FBXL7: variants seen among roughly 807,000 people sequenced by gnomAD.
FBXL7 encodes the protein F-box and leucine rich repeat protein 7.
FBXL7 carries 12 observed loss-of-function variants against 38.3 expected under a neutral mutation model. That is an observed-to-expected ratio of 0.31 (90% CI 0.20 to 0.51). The LOEUF is 0.51. Among genes scored for constraint, FBXL7 ranks in the 20% least tolerant of loss-of-function variants. FBXL7 has a pLI of 0.98. For missense variants in FBXL7, 567 were observed against 676.4 expected (o/e 0.84, Z 1.79); for synonymous variants, 297 against 300.9 (o/e 0.99, Z 0.13).
chr5:15,518,973 CCGGTGAGGAGG>C (rs1737021991), intron 1 of FBXL7, among the ~76,000 whole-genome samples: 1 of 152,012 alleles, frequency 6.6e-6, no homozygotes, highest in Non-Finnish European at 1.5e-5. Flanking sequence ...AACTTGCAGT[CCGGTGAGGAGG>C]CCAGAAGAGC....
chr5:15,839,501 ATTCTAGTGC>A (rs1579508306), intron 2 of FBXL7, among the ~76,000 whole-genome samples: 3 of 152,024 alleles, frequency 2.0e-5, no homozygotes, highest in African/African-American at 7.2e-5. Context: ...TTTCCATTGA[ATTCTAGTGC>A]TTCTTTTATT....
chr5:15,860,112 A>C (rs935880299), intron 2 of FBXL7, among the ~76,000 whole-genome samples: 6 of 152,224 alleles, frequency 3.9e-5, no homozygotes, highest in Admixed American at 2.6e-4. Flanking sequence ...TTAAATAAAA[A>C]GCACATACTT....
At chr5:15,513,821 G>A (rs948815362) in intron 1 of FBXL7, among the ~76,000 whole-genome samples, 7 of 152,180 alleles carry the variant, frequency 4.6e-5, no homozygotes, top group African/African-American at 1.7e-4. Flanking sequence ...TAAATTTCAA[G>A]AAATGACATT....
chr5:15,780,727 T>C (rs1414805905), intron 2 of FBXL7, among the ~76,000 whole-genome samples: 5 of 152,182 alleles, frequency 3.3e-5, no homozygotes, highest in African/African-American at 4.8e-5. Context: ...CTTTACCCTT[T>C]ACTCAACCTA....
intron 2 of FBXL7, among the ~76,000 whole-genome samples, chr5:15,846,600 G>A (rs1362902772): frequency 6.6e-6 from 1 of 152,144 alleles, no homozygotes; most frequent in Non-Finnish European, 1.5e-5. Flanking sequence ...GTCTTATTTG[G>A]TCCATCTTGT....
At chr5:15,785,290 C>T (rs563715568) in intron 2 of FBXL7, among the ~76,000 whole-genome samples, 8 of 152,222 alleles carry the variant, frequency 5.3e-5, no homozygotes, top group African/African-American at 1.7e-4. Flanking sequence ...CTTCAGAAGA[C>T]CTATTTTCTC....
At chr5:15,586,379 A>G (rs1739306674) in intron 1 of FBXL7, among the ~76,000 whole-genome samples, 1 of 145,318 alleles carries the variant, frequency 6.9e-6, no homozygotes, top group East Asian at 2.1e-4. Flanking sequence ...CCCTTTCTCA[A>G]TCTCTTTCTC....
At chr5:15,608,771 C>T (rs1188635127) in intron 1 of FBXL7, among the ~76,000 whole-genome samples, 1 of 152,140 alleles carries the variant, frequency 6.6e-6, no homozygotes, top group African/African-American at 2.4e-5. Flanking sequence ...CGAGACTTGC[C>T]AGCCCCAACT....
chr5:15,809,578 G>T (rs1408352589), intron 2 of FBXL7, among the ~76,000 whole-genome samples: 1 of 151,626 alleles, frequency 6.6e-6, no homozygotes, highest in Non-Finnish European at 1.5e-5. Flanking sequence ...GAGTCTCAAA[G>T]AACTAATCGT....
chr5:15,610,301 C>T (rs1426466928), intron 1 of FBXL7, among the ~76,000 whole-genome samples: 1 of 152,150 alleles, frequency 6.6e-6, no homozygotes, highest in East Asian at 1.9e-4. Flanking sequence ...TGGCTGCTCC[C>T]CTCCTGTGCC....
At position 15,851,850 on chromosome 5, in the gene FBXL7, A is replaced by ACACACACG. The variant is rs113175311; in HGVS notation, c.128-76040_128-76039insCACACACG. ...CACACACACACACACACACACACAC[A>ACACACACG]AAGTTCCTTGGCTAGTTTTTTTGTA... On this transcript the variant is annotated intron_variant, in intron 2 of 3. Transcript: ENST00000504595. Among the ~76,000 whole-genome samples the ACACACACG allele has an allele frequency of 6.6e-4, 94 of 142,350 alleles. 12 individuals are homozygous for ACACACACG. The highest frequency in any genetic ancestry group is 1.7e-3 in the Admixed American group (24 of 14,178). The allele number at this position is 142,350 out of a possible 152,430, so 93.4% of individuals were successfully genotyped here.
At chr5:15,749,786 C>G (rs1736109698) in intron 2 of FBXL7, among the ~76,000 whole-genome samples, 1 of 152,234 alleles carries the variant, frequency 6.6e-6, no homozygotes, top group African/African-American at 2.4e-5. Context: ...ACTTACCCAG[C>G]TCACCAAAAT....
chr5:15,809,805 A>T (rs1018873641), intron 2 of FBXL7, among the ~76,000 whole-genome samples: 1 of 152,182 alleles, frequency 6.6e-6, no homozygotes, highest in Admixed American at 6.5e-5. Flanking sequence ...CTTGAAAATA[A>T]CTTTGATTTT....
At chr5:15,782,462 T>C (rs1470061718) in intron 2 of FBXL7, among the ~76,000 whole-genome samples, 1 of 152,226 alleles carries the variant, frequency 6.6e-6, no homozygotes, top group Admixed American at 6.5e-5. Flanking sequence ...AAATTGTTCC[T>C]ATTTCTCCAC....
chr5:15,782,363 A>G (rs1737020214), intron 2 of FBXL7, among the ~76,000 whole-genome samples: 1 of 152,220 alleles, frequency 6.6e-6, no homozygotes. Flanking sequence ...TTGCTGGGCC[A>G]AATGGTATTT....
intron 2 of FBXL7, among the ~76,000 whole-genome samples, chr5:15,767,336 T>C (rs528298470): frequency 7.2e-5 from 11 of 152,344 alleles, no homozygotes; most frequent in African/African-American, 2.4e-4. Context: ...AATTTTACCT[T>C]AAGGTTCATA....
intron 2 of FBXL7, among the ~76,000 whole-genome samples, chr5:15,804,187 G>A (rs533094760): frequency 4.6e-4 from 70 of 152,150 alleles, no homozygotes; most frequent in Admixed American, 2.7e-3. Flanking sequence ...TTTAAAATAA[G>A]CCAGGCACAA....
chr5:15,630,554 A>G (rs1308661898), intron 2 of FBXL7, among the ~76,000 whole-genome samples: 2 of 152,050 alleles, frequency 1.3e-5, no homozygotes, highest in East Asian at 1.9e-4. Context: ...AGAAAATAAT[A>G]CTATTCTTTC....
intron 2 of FBXL7, among the ~76,000 whole-genome samples, chr5:15,757,214 T>A (rs1025747487): frequency 1.3e-5 from 2 of 152,046 alleles, no homozygotes; most frequent in African/African-American, 4.8e-5. Context: ...GAGAGAGAGT[T>A]TTCTTTAAAG....
Sources: gnomAD v4.1 joint callset for allele counts (sites outside exome capture counted in the v4.1 genomes callset) on GRCh38, gnomAD v4.1.1 for gene constraint, MANE v1.5 for transcripts, NCBI Gene and HGNC (gene_info 2026-07-23, HGNC 2026-07-21) for gene names.